Variants in ARHGAP28 observed in about 807,000 individuals in gnomAD.
ARHGAP28 encodes the protein Rho GTPase activating protein 28.
A neutral mutation model predicts 90.7 loss-of-function variants in ARHGAP28; 56 were observed. The observed-to-expected ratio is 0.62, with a 90% CI of 0.50 to 0.77. ARHGAP28 has a LOEUF of 0.77. ARHGAP28 is among the 30% of genes least tolerant of loss of function. The pLI is 0.00. For missense variants in ARHGAP28, 869 were observed against 900.9 expected (o/e 0.96, Z 0.45); for synonymous variants, 308 against 323.3 (o/e 0.95, Z 0.51).
At chr18:6,847,880 C>T (rs1481135138) in intron 3 of ARHGAP28, among the ~76,000 whole-genome samples, 2 of 152,142 alleles carry the variant, frequency 1.3e-5, no homozygotes, top group Non-Finnish European at 2.9e-5. Flanking sequence ...GGGAAAGGTG[C>T]ATGGAGCGAA....
rs138835809 is a variant in ARHGAP28 at position 6,771,697 on chromosome 18, A to G, written c.122+41754A>G. ...TCAAGCAATAATGTGAAGGCCCAAC[A>G]CTAAATACCATATGTTGTTTCTGAT... On this transcript the variant is annotated intron_variant, in intron 1 of 17. Transcript: ENST00000383472. Among the ~76,000 whole-genome samples the G allele has an allele frequency of 2.2e-3, 332 of 152,364 alleles. 1 individual carries two copies. The highest frequency in any genetic ancestry group is 7.8e-3 in the African/African-American group (323 of 41,592).
rs150603051 is a variant in ARHGAP28, at chr18:6,776,274, G to A, written c.122+46331G>A. ...CTCCTCCTGACTCCAGATGAGCCGA[G>A]TGCAGGAATGTGTTTTAATGCCTGT... On this transcript the variant is annotated intron_variant, in intron 1 of 17. Coordinates refer to ENST00000383472, the MANE Select transcript of ARHGAP28 (RefSeq NM_001366230.1). 7.9e-4 allele frequency among the ~76,000 whole-genome samples: 120 copies of A among 152,332 alleles called. 1 individual carries two copies. Among genetic ancestry groups the A allele is most frequent in the African/African-American group, 2.8e-3 (117 of 41,590 alleles).
chr18:6,771,414 A>C (rs930776247), intron 1 of ARHGAP28, among the ~76,000 whole-genome samples: 3 of 152,140 alleles, frequency 2.0e-5, no homozygotes, highest in Non-Finnish European at 4.4e-5. Context: ...TCCTCTCTAA[A>C]ATGTGGGAGC....
chr18:6,785,466 C>T (rs1329417296), intron 1 of ARHGAP28, among the ~76,000 whole-genome samples: 1 of 152,198 alleles, frequency 6.6e-6, no homozygotes, highest in African/African-American at 2.4e-5. Context: ...TTTCTACCTC[C>T]AACAAGTCCT....
In ARHGAP28 at chr18:6,908,968, C is replaced by T; in HGVS notation, c.2039C>T (p.Ser680Leu). The T allele has an allele frequency of 6.5e-7, 1 of 1,534,340 alleles. No individual in the cohort carries two copies. Among genetic ancestry groups the T allele is most frequent in the South Asian group, 1.1e-5 (1 of 87,308 alleles). Residue 680 changes from serine to leucine, a missense_variant, in exon 17 of 18, where the codon TCA becomes TTA. Ser to Leu is a moderately radical substitution (Grantham distance 145, BLOSUM62 -2). Transcript: ENST00000383472. ...TTTCTCATTTTTTTCAGTCATGGTT[C>T]ATCAGAATGTATTAAGATTCAGAAC... ...AKFQYENSHG[S>L]SECIKIQNQR...
chr18:6,801,167 A>T (rs912974105), intron 1 of ARHGAP28, among the ~76,000 whole-genome samples: 4 of 152,118 alleles, frequency 2.6e-5, no homozygotes, highest in African/African-American at 9.7e-5. Flanking sequence ...TTTTGAGTTC[A>T]TTTTTGTATA....
chr18:6,819,578 C>A (rs1381076235), intron 1 of ARHGAP28, among the ~76,000 whole-genome samples: 9 of 152,154 alleles, frequency 5.9e-5, no homozygotes, highest in Admixed American at 4.6e-4. Context: ...TGGCTGCCTG[C>A]ACTAGCACAA....
At chr18:6,844,091 A>G (rs2056847781) in intron 3 of ARHGAP28, among the ~76,000 whole-genome samples, 1 of 152,208 alleles carries the variant, frequency 6.6e-6, no homozygotes, top group Non-Finnish European at 1.5e-5. Context: ...TAGTCGATTT[A>G]ATTTATCTCC....
chr18:6,893,610 G>A (rs577769122), intron 14 of ARHGAP28, among the ~76,000 whole-genome samples: 1 of 152,076 alleles, frequency 6.6e-6, no homozygotes, highest in South Asian at 2.1e-4. Flanking sequence ...TTCTTTTTTT[G>A]AGCCTCAATG....
At chr18:6,833,505 A>G (rs959567391) in intron 2 of ARHGAP28, among the ~76,000 whole-genome samples, 1 of 151,510 alleles carries the variant, frequency 6.6e-6, no homozygotes, top group African/African-American at 2.4e-5. Flanking sequence ...TTTGAATTTT[A>G]TGACCTTGAC....
chr18:6,793,896 C>G (rs1199305081), intron 1 of ARHGAP28, among the ~76,000 whole-genome samples: 2 of 151,870 alleles, frequency 1.3e-5, no homozygotes, highest in African/African-American at 4.8e-5. Flanking sequence ...TTAGATCATT[C>G]ATGAAATGGG....
At chr18:6,871,271 A>G (rs2057087054) in intron 7 of ARHGAP28, among the ~76,000 whole-genome samples, 1 of 152,144 alleles carries the variant, frequency 6.6e-6, no homozygotes, top group African/African-American at 2.4e-5. Flanking sequence ...AGGCTTGAAT[A>G]CTGTTTTACA....
chr18:6,871,082 G>A (rs1343646401), intron 7 of ARHGAP28, among the ~76,000 whole-genome samples: 2 of 152,202 alleles, frequency 1.3e-5, no homozygotes, highest in African/African-American at 4.8e-5. Flanking sequence ...TTACAGGTGT[G>A]AGCCGCCGTG....
intron 1 of ARHGAP28, among the ~76,000 whole-genome samples, chr18:6,748,685 G>A (rs1489640895): frequency 6.6e-6 from 1 of 152,272 alleles, no homozygotes; most frequent in African/African-American, 2.4e-5. Context: ...GCCCAAGAAG[G>A]TACTGTCTTC....
At chr18:6,846,723 C>T (rs2056868867) in intron 3 of ARHGAP28, among the ~76,000 whole-genome samples, 1 of 152,158 alleles carries the variant, frequency 6.6e-6, no homozygotes, top group African/African-American at 2.4e-5. Context: ...TCAGAGCAGA[C>T]ACTGAAGCCT....
Position 6,915,601 on chromosome 18 carries a change from G to C in ARHGAP28, c.*3447G>C, listed in dbSNP as rs1028018347. The C allele has an allele frequency of 1.3e-5, 2 of 152,096 alleles. No individual in the cohort carries two copies. Among genetic ancestry groups the C allele is most frequent in the Non-Finnish European group, 2.9e-5 (2 of 68,030 alleles). 9.4% of individuals were successfully genotyped at this position (152,096 alleles called of 1,614,324 possible). A position where few individuals can be genotyped will look rare whatever the true frequency, so the allele number is the denominator to read the frequency against. ...ACACTAGAAAACGCCAATGTTTTAT[G>C]TCTTTGCCCATCTCAAAAGCTAATA... On this transcript the variant is annotated 3_prime_UTR_variant, in exon 18 of 18. Transcript: ENST00000383472.
At chr18:6,749,497 G>T (rs117149178) in intron 1 of ARHGAP28, among the ~76,000 whole-genome samples, 1 of 152,116 alleles carries the variant, frequency 6.6e-6, no homozygotes, top group African/African-American at 2.4e-5. Context: ...AATGAAGAAG[G>T]TGAGATGTTA....
intron 7 of ARHGAP28, among the ~76,000 whole-genome samples, chr18:6,871,519 G>A (rs949261186): frequency 3.9e-5 from 6 of 152,074 alleles, no homozygotes; most frequent in Non-Finnish European, 7.4e-5. Flanking sequence ...TGGGCAAAGA[G>A]AGCTATATAC....
At chr18:6,848,258 A>C (rs890657190) in intron 3 of ARHGAP28, among the ~76,000 whole-genome samples, 1 of 152,146 alleles carries the variant, frequency 6.6e-6, no homozygotes, top group Non-Finnish European at 1.5e-5. Context: ...CAGCCCTGCT[A>C]TGGTACTCTT....
Sources: gnomAD v4.1 joint callset for allele counts (sites outside exome capture counted in the v4.1 genomes callset) on GRCh38, gnomAD v4.1.1 for gene constraint, MANE v1.5 for transcripts, NCBI Gene and HGNC (gene_info 2026-07-23, HGNC 2026-07-21) for gene names.